The following PGGT1B variants were observed in gnomAD, a reference collection of about 807,000 sequenced individuals.
PGGT1B encodes geranylgeranyl transferase type-1 subunit beta.
PGGT1B carries 30 observed loss-of-function variants against 46.1 expected under a neutral mutation model. The ratio of observed to expected loss-of-function variants is 0.65; its 90% CI spans 0.49 to 0.88. PGGT1B has a LOEUF of 0.88. PGGT1B is among the 40% of genes least tolerant of loss of function. The probability of loss-of-function intolerance (pLI) is 0.00; values close to 1 mark genes in which losing one functional copy is unlikely to be tolerated. For missense variants in PGGT1B, 376 were observed against 455.9 expected (o/e 0.82, Z 1.60); for synonymous variants, 170 against 160.0 (o/e 1.06, Z -0.47).
At chr5:115,257,228 G>C (rs1274745461) in intron 1 of PGGT1B, among the ~76,000 whole-genome samples, 1 of 152,022 alleles carries the variant, frequency 6.6e-6, no homozygotes, top group Non-Finnish European at 1.5e-5. Flanking sequence ...AGAACAACAA[G>C]AAGGATGGGC....
intron 8 of PGGT1B, among the ~76,000 whole-genome samples, chr5:115,214,667 C>A (rs1180058169): frequency 6.6e-6 from 1 of 152,102 alleles, no homozygotes; most frequent in African/African-American, 2.4e-5. Flanking sequence ...AATATTTACA[C>A]AAATGTTAAA....
intron 1 of PGGT1B, among the ~76,000 whole-genome samples, chr5:115,258,085 T>C (rs1168772163): frequency 6.6e-6 from 1 of 152,218 alleles, no homozygotes; most frequent in Non-Finnish European, 1.5e-5. Flanking sequence ...AAAATAGTTT[T>C]TCTACTATCA....
chr5:115,262,476 G>C (rs998299158), intron 1 of PGGT1B: 1 of 523,008 alleles, frequency 1.9e-6, no homozygotes, highest in African/African-American at 1.9e-5. Flanking sequence ...CAGAAGAAAA[G>C]GGAAGTGAAA....
chr5:115,229,861 T>G (rs1208155534), intron 6 of PGGT1B, among the ~76,000 whole-genome samples: 1 of 152,018 alleles, frequency 6.6e-6, no homozygotes, highest in Non-Finnish European at 1.5e-5. Flanking sequence ...AAAACTATGG[T>G]GTCATAATTA....
intron 6 of PGGT1B, among the ~76,000 whole-genome samples, chr5:115,228,406 G>T (rs982126540): frequency 6.6e-6 from 1 of 152,250 alleles, no homozygotes; most frequent in African/African-American, 2.4e-5. Flanking sequence ...TAAAACATAG[G>T]TCGTTTATAA....
chr5:115,220,819 T>C (rs895613976), intron 7 of PGGT1B, among the ~76,000 whole-genome samples: 2 of 151,870 alleles, frequency 1.3e-5, no homozygotes, highest in African/African-American at 2.4e-5. Context: ...AGAGATTATA[T>C]TAAAAAATTT....
At position 115,210,795 on chromosome 5, in the gene PGGT1B, T is replaced by C. The variant is rs1399905509; in HGVS notation, c.*1607A>G. 1.3e-5 allele frequency: 2 copies of C among 152,072 alleles called. No individual in the cohort carries two copies. The highest frequency in any genetic ancestry group is 2.9e-5 in the Non-Finnish European group (2 of 67,936). 9.4% of individuals were successfully genotyped at this position (152,072 alleles called of 1,614,324 possible). On this transcript the variant is annotated 3_prime_UTR_variant, in exon 9 of 9. Transcript: ENST00000419445. ...ATGTCTTAATCTGCCAGGATTTAAA[T>C]AGTAGCAACTGGAATAACCCATAGA...
intron 8 of PGGT1B, among the ~76,000 whole-genome samples, chr5:115,214,030 C>T (rs1228732337): frequency 6.6e-6 from 1 of 152,126 alleles, no homozygotes; most frequent in Non-Finnish European, 1.5e-5. Flanking sequence ...AAAAAATAAA[C>T]TTGATTTCAC....
At chr5:115,235,766 T>A (rs1757161051) in intron 5 of PGGT1B, among the ~76,000 whole-genome samples, 2 of 152,126 alleles carry the variant, frequency 1.3e-5, no homozygotes, top group African/African-American at 4.8e-5. Flanking sequence ...CTCACTTAAA[T>A]GCAACTCCAT....
At chr5:115,253,317 C>T in intron 1 of PGGT1B, 62 bp from the exon 2 acceptor site, 4 of 1,321,848 alleles carry the variant, frequency 3.0e-6, no homozygotes, top group Non-Finnish European at 4.1e-6. Flanking sequence ...TGAAGTCTTC[C>T]TGGTCTAGAA....
At chr5:115,220,718 G>T (rs556932365) in intron 7 of PGGT1B, among the ~76,000 whole-genome samples, 4 of 151,984 alleles carry the variant, frequency 2.6e-5, no homozygotes, top group Admixed American at 2.6e-4. Flanking sequence ...GAAATCACTG[G>T]ATATTTAATG....
At chr5:115,217,416 G>A (rs1756455240) in intron 7 of PGGT1B, among the ~76,000 whole-genome samples, 1 of 152,006 alleles carries the variant, frequency 6.6e-6, no homozygotes, top group Non-Finnish European at 1.5e-5. Flanking sequence ...AGATGCTACA[G>A]ACAGTTTTGA....
intron 2 of PGGT1B, among the ~76,000 whole-genome samples, chr5:115,251,494 A>G (rs17137577): frequency 0.12 from 18,072 of 152,040 alleles, 1,253 homozygotes; most frequent in African/African-American, 0.19. Flanking sequence ...AAATTGCTCA[A>G]TTACGGAGCC....
chr5:115,216,773 T>C, intron 8 of PGGT1B, 92 bp downstream of exon 8: 1 of 716,032 alleles, frequency 1.4e-6, no homozygotes, highest in South Asian at 1.6e-5. Context: ...TGCAACTGGA[T>C]ATATTTTCTA....
At chr5:115,221,767 A>G in intron 7 of PGGT1B, 57 bp downstream of exon 7, 1 of 1,087,308 alleles carries the variant, frequency 9.2e-7, no homozygotes, top group Non-Finnish European at 1.3e-6. Flanking sequence ...AAACCTTTTT[A>G]GCACAATCTA....
rs1757344360 is a variant in PGGT1B at position 115,241,543 on chromosome 5, G to A, written c.323C>T (p.Ser108Leu). ...TCTGAACCAAATAGAACCAACCTTT[G>A]ATGGATTGAACGGAATACCCAGGTA... The part of the protein sequence containing the change: ...SSYLGIPFNP[S>L]KAPGTAHPYD... The change falls in exon 3 of 9, where the codon TCA (serine) becomes TTA (leucine). Residue 108 changes from serine to leucine, a missense_variant. Ser to Leu is a moderately radical substitution (Grantham distance 145). Around this residue, in one of 2 missense-constraint regions of PGGT1B, gnomAD observed 154 missense variants for 142.3 expected, o/e 1.08. Transcript: ENST00000419445. 1 of 1,599,202 alleles carries A rather than the reference G, an allele frequency of 6.3e-7. No individual in the cohort carries two copies. The highest frequency in any genetic ancestry group is 1.3e-5 in the African/African-American group (1 of 74,174).
chr5:115,234,088 GTAATA>G (rs1186532990), intron 5 of PGGT1B, among the ~76,000 whole-genome samples: 1 of 150,974 alleles, frequency 6.6e-6, no homozygotes, highest in African/African-American at 2.4e-5. Flanking sequence ...ACACAGTGGA[GTAATA>G]TAATAGGAAA....
chr5:115,238,061 TTTCA>T (rs1757238156), intron 3 of PGGT1B, 52 bp from the exon 4 acceptor site: 1 of 1,320,154 alleles, frequency 7.6e-7, no homozygotes, highest in African/African-American at 1.5e-5. Flanking sequence ...TGAAAACTTA[TTTCA>T]TTAAGAAATC....
At position 115,209,431 on chromosome 5, in the gene PGGT1B, T is replaced by C. The variant is rs542956873; in HGVS notation, c.*2971A>G. ...TAGATTGGCCCGCTGCACTTTGTAG[T>C]TGAGAAACTGTGGGCAGTGTTGTAG... On this transcript the variant is annotated 3_prime_UTR_variant, in exon 9 of 9. Transcript: ENST00000419445. 19 of 152,278 alleles carry C rather than the reference T, an allele frequency of 1.2e-4. No individual in the cohort carries two copies. Among genetic ancestry groups the C allele is most frequent in the African/African-American group, 4.6e-4 (19 of 41,576 alleles). 9.4% of individuals were successfully genotyped at this position (152,278 alleles called of 1,614,324 possible). A position where few individuals can be genotyped will look rare whatever the true frequency, so the allele number is the denominator to read the frequency against.
Sources: gnomAD v4.1 joint callset for allele counts (sites outside exome capture counted in the v4.1 genomes callset) on GRCh38, gnomAD v4.1.1 for gene constraint, gnomAD v4.1.1 regional missense constraint, MANE v1.5 for transcripts, NCBI Gene and HGNC (gene_info 2026-07-23, HGNC 2026-07-21) for gene names.